Variants in SND1 observed in about 807,000 individuals in gnomAD.
The protein encoded by SND1 is staphylococcal nuclease and tudor domain containing 1.
SND1 carries 38 observed loss-of-function variants against 121.7 expected under a neutral mutation model. The ratio of observed to expected loss-of-function variants is 0.31; its 90% CI spans 0.24 to 0.41. The LOEUF is 0.41. SND1 is among the 10% of genes least tolerant of loss of function. SND1 has a pLI of 1.00. For missense variants in SND1, 868 were observed against 1,184.6 expected (o/e 0.73, Z 3.92); for synonymous variants, 401 against 447.4 (o/e 0.90, Z 1.31).
chr7:127,718,383 A>C (rs1230697432), intron 9 of SND1, among the ~76,000 whole-genome samples: 1 of 152,134 alleles, frequency 6.6e-6, no homozygotes, highest in African/African-American at 2.4e-5. Flanking sequence ...TCAGTATTTT[A>C]TTGCCGATTC....
intron 16 of SND1, among the ~76,000 whole-genome samples, chr7:128,063,569 G>C (rs529185686): frequency 6.6e-6 from 1 of 152,172 alleles, no homozygotes; most frequent in South Asian, 2.1e-4. Flanking sequence ...CTTCTCCCAC[G>C]TCACTGCTGG....
intron 14 of SND1, among the ~76,000 whole-genome samples, chr7:127,918,055 C>CTTTTT (rs11375840): frequency 4.2e-5 from 6 of 142,418 alleles, no homozygotes; most frequent in Non-Finnish European, 4.6e-5. Context: ...TAGATTTTTT[C>CTTTTT]TTTTTTTTTT....
intron 21 of SND1, among the ~76,000 whole-genome samples, chr7:128,088,161 T>A (rs114289583): frequency 6.6e-6 from 1 of 151,718 alleles, no homozygotes; most frequent in African/African-American, 2.4e-5. Flanking sequence ...AAGACAGACA[T>A]GTGGAGTCAG....
At chr7:127,660,196 A>T (rs913739082) in intron 1 of SND1, among the ~76,000 whole-genome samples, 3 of 152,034 alleles carry the variant, frequency 2.0e-5, no homozygotes, top group African/African-American at 7.2e-5. Flanking sequence ...AACTAGTGGG[A>T]GTGTTGCTTG....
intron 1 of SND1, among the ~76,000 whole-genome samples, chr7:127,664,295 C>G (rs1022641035): frequency 6.6e-6 from 1 of 152,166 alleles, no homozygotes; most frequent in African/African-American, 2.4e-5. Flanking sequence ...CTCTGAACCA[C>G]ACTTGAGTTA....
intron 14 of SND1, among the ~76,000 whole-genome samples, chr7:127,908,940 G>A (rs1361388235): frequency 6.6e-6 from 1 of 152,166 alleles, no homozygotes; most frequent in Admixed American, 6.5e-5. Context: ...AATCAATTAT[G>A]GTTCTGAGAT....
intron 5 of SND1, among the ~76,000 whole-genome samples, chr7:127,701,577 C>T (rs1461028089): frequency 1.3e-5 from 2 of 149,554 alleles, no homozygotes; most frequent in Non-Finnish European, 3.0e-5. Context: ...TGGTATTTTG[C>T]ACATTGATTG....
intron 14 of SND1, among the ~76,000 whole-genome samples, chr7:127,905,239 C>G (rs1030163596): frequency 1.3e-5 from 2 of 152,078 alleles, no homozygotes; most frequent in Admixed American, 1.3e-4. Flanking sequence ...TCCTCATGAC[C>G]TCTTGTTCCT....
At chr7:127,801,503 A>G (rs1798126644) in intron 10 of SND1, among the ~76,000 whole-genome samples, 1 of 152,138 alleles carries the variant, frequency 6.6e-6, no homozygotes, top group African/African-American at 2.4e-5. Context: ...TACCACATCT[A>G]TCCACCCACC....
intron 11 of SND1, among the ~76,000 whole-genome samples, chr7:127,843,999 T>C (rs1215027085): frequency 6.6e-6 from 1 of 152,228 alleles, no homozygotes; most frequent in East Asian, 1.9e-4. Flanking sequence ...TAGAACATCT[T>C]TTCCTGTTCT....
chr7:127,711,187 C>A (rs2116363603), intron 9 of SND1, among the ~76,000 whole-genome samples: 1 of 152,254 alleles, frequency 6.6e-6, no homozygotes, highest in Non-Finnish European at 1.5e-5. Flanking sequence ...TGAGGGATTT[C>A]TTTGCCTTAC....
At position 127,904,802 on chromosome 7, in the gene SND1, G is replaced by A. The variant is rs1800302577; in HGVS notation, c.1510G>A (p.Val504Ile). The change falls in exon 14 of 24, where the codon GTT becomes ATT. Residue 504 changes from valine (V) to isoleucine (I), a missense_variant. Physicochemically the swap from Val to Ile is conservative, Grantham distance 29 (BLOSUM62 3). Coordinates refer to ENST00000354725, the MANE Select transcript of SND1 (RefSeq NM_014390.4). ...HSKKEVPIHRVADISGDTQKA... is the reference protein window; with the variant it reads ...HSKKEVPIHRIADISGDTQKA... ...CAAGAAGGAAGTGCCTATCCACCGTGTTGCAGATATATCTGGGGTGAGTCG... is the reference window on the plus strand; with the variant it reads ...CAAGAAGGAAGTGCCTATCCACCGTATTGCAGATATATCTGGGGTGAGTCG... The A allele has an allele frequency of 6.2e-7, 1 of 1,609,246 alleles. No individual in the cohort carries two copies. The highest frequency in any genetic ancestry group is 8.5e-7 in the Non-Finnish European group (1 of 1,175,790).
intron 16 of SND1, among the ~76,000 whole-genome samples, chr7:128,051,802 A>G (rs1793051118): frequency 6.6e-6 from 1 of 152,220 alleles, no homozygotes; most frequent in African/African-American, 2.4e-5. Flanking sequence ...TACTGTTGCT[A>G]AGTGCTGTGC....
chr7:128,039,251 T>C (rs879295367), intron 16 of SND1, among the ~76,000 whole-genome samples: 2 of 152,248 alleles, frequency 1.3e-5, no homozygotes, highest in Non-Finnish European at 2.9e-5. Flanking sequence ...TTTTCCATTA[T>C]CTGAAATTGT....
At chr7:127,683,032 C>T (rs1795754185) in intron 1 of SND1, among the ~76,000 whole-genome samples, 1 of 152,088 alleles carries the variant, frequency 6.6e-6, no homozygotes, top group Non-Finnish European at 1.5e-5. Flanking sequence ...GTATTTTTCC[C>T]CCAGAAGGTA....
intron 22 of SND1, among the ~76,000 whole-genome samples, chr7:128,090,958 T>C (rs1323334375): frequency 5.9e-5 from 9 of 152,188 alleles, no homozygotes; most frequent in Admixed American, 5.9e-4. Context: ...AAATTCCTTC[T>C]GCCGCAGTCC....
intron 10 of SND1, among the ~76,000 whole-genome samples, chr7:127,796,890 C>CTTTTTTTTTTTTTT (rs36078891): frequency 2.9e-5 from 3 of 102,090 alleles, no homozygotes; most frequent in Admixed American, 1.2e-4. Context: ...TTTCCTGAGT[C>CTTTTTTTTTTTTTT]TTTTTTTTTT....
chr7:127,944,779 G>A (rs1274232348), intron 15 of SND1, among the ~76,000 whole-genome samples: 1 of 152,154 alleles, frequency 6.6e-6, no homozygotes, highest in East Asian at 1.9e-4. Flanking sequence ...ACCAGAAAAG[G>A]TCTATTCAGA....
chr7:127,917,107 C>G (rs1057260660), intron 14 of SND1, among the ~76,000 whole-genome samples: 1 of 152,210 alleles, frequency 6.6e-6, no homozygotes, highest in Non-Finnish European at 1.5e-5. Flanking sequence ...CACTTACGCA[C>G]TCTGTGGTAC....
Sources: gnomAD v4.1 joint callset for allele counts (sites outside exome capture counted in the v4.1 genomes callset) on GRCh38, gnomAD v4.1.1 for gene constraint, MANE v1.5 for transcripts, NCBI Gene and HGNC (gene_info 2026-07-23, HGNC 2026-07-21) for gene names.